Variants in ATL2 observed in about 807,000 individuals in gnomAD.
The protein encoded by ATL2 is atlastin-2.
Under a neutral mutation model 73.9 loss-of-function variants are expected in ATL2, and 31 were observed. That is an observed-to-expected ratio of 0.42 (90% CI 0.32 to 0.57). ATL2 has a LOEUF of 0.57. Among genes scored for constraint, ATL2 ranks in the 20% least tolerant of loss-of-function variants. The pLI is 0.14. For missense variants in ATL2, 738 were observed against 702.6 expected (o/e 1.05, Z -0.57); for synonymous variants, 291 against 237.5 (o/e 1.23, Z -2.07).
At chr2:38,357,270 G>C (rs897112230) in intron 1 of ATL2, among the ~76,000 whole-genome samples, 1 of 152,102 alleles carries the variant, frequency 6.6e-6, no homozygotes, top group African/African-American at 2.4e-5. Context: ...AGAGGTTGCA[G>C]AGAGCCAAGA....
At chr2:38,373,168 T>C (rs58935201) in intron 1 of ATL2, among the ~76,000 whole-genome samples, 8,723 of 152,206 alleles carry the variant, frequency 0.057, 825 homozygotes, top group African/African-American at 0.2. Flanking sequence ...AATCACTCAT[T>C]TGATTCCTCA....
Position 38,341,977 on chromosome 2 carries a change from A to G in ATL2, c.363+1291T>C, listed in dbSNP as rs901640588. ...TAATTCATGTGGCTTCTGAATGTCAAAAGTTCCCTATATAGCAATTCCACT... is the reference window on the plus strand; with the variant it reads ...TAATTCATGTGGCTTCTGAATGTCAGAAGTTCCCTATATAGCAATTCCACT... On this transcript the variant is annotated intron_variant, in intron 2 of 12. Transcript: ENST00000378954. Among the ~76,000 whole-genome samples the G allele has an allele frequency of 3.3e-5, 5 of 152,206 alleles. No homozygotes were observed. In the East Asian group the frequency reaches 5.8e-4, roughly 18 times the overall value.
chr2:38,301,266 G>C (rs943314659), intron 9 of ATL2, among the ~76,000 whole-genome samples: 5 of 152,168 alleles, frequency 3.3e-5, no homozygotes, highest in African/African-American at 1.2e-4. Context: ...CACCGTGCCT[G>C]GCTCATCTCA....
intron 2 of ATL2, among the ~76,000 whole-genome samples, chr2:38,324,355 A>C (rs1380484775): frequency 6.6e-6 from 1 of 152,236 alleles, no homozygotes; most frequent in African/African-American, 2.4e-5. Flanking sequence ...ACACCACCAC[A>C]AATGAAAATC....
At chr2:38,376,656 C>T (rs887846598) in intron 1 of ATL2, 3 of 152,774 alleles carry the variant, frequency 2.0e-5, no homozygotes. Context: ...ACCTCCTCCT[C>T]CGCGGGGCCC....
At chr2:38,358,034 A>T (rs1323263669) in intron 1 of ATL2, among the ~76,000 whole-genome samples, 2 of 152,214 alleles carry the variant, frequency 1.3e-5, no homozygotes, top group Non-Finnish European at 2.9e-5. Flanking sequence ...TCTTGTTAAA[A>T]TGCATATCCT....
At chr2:38,301,581 G>T (rs996963533) in intron 9 of ATL2, among the ~76,000 whole-genome samples, 2 of 152,172 alleles carry the variant, frequency 1.3e-5, no homozygotes. Flanking sequence ...TAGGGAAGTC[G>T]AAAGCAGTGA....
Position 38,298,231 on chromosome 2 carries a change from A to T in ATL2, c.1545T>A (p.Leu515=), listed in dbSNP as rs764163839. 5 of 1,614,174 alleles carry T rather than the reference A, an allele frequency of 3.1e-6. No individual in the cohort carries two copies. The Admixed American group carries it at 8.3e-5, about 27-fold the overall frequency. ...AGTATTTAACATATGCCCAAGTACA[A>T]AGAAATATCAGTGCTAACCCCATGA... ...NLVMGLALIF[L]CTWAYVKYSG... The change falls in exon 12 of 13, where the codon CTT becomes CTA. Residue 515 remains leucine (L), a synonymous_variant. Transcript: ENST00000378954.
intron 1 of ATL2, among the ~76,000 whole-genome samples, chr2:38,375,875 T>G (rs998383852): frequency 6.6e-6 from 1 of 152,234 alleles, no homozygotes; most frequent in Non-Finnish European, 1.5e-5. Flanking sequence ...TATTTCCTTT[T>G]CTTCTTCCCT....
chr2:38,295,834 TAACA>T lies in ATL2; in HGVS notation c.*156_*159del, dbSNP rs1558377756. On this transcript the variant is annotated 3_prime_UTR_variant, in exon 13 of 13. Transcript: ENST00000378954. ...GAGCCATTAAAAGAATGCTTAAAAC[TAACA>T]AACAATCTTCACACTCTGTGGCAGC... 1.3e-5 allele frequency: 8 copies of T among 602,738 alleles called. No individual in the cohort carries two copies. The highest frequency in any genetic ancestry group is 3.0e-5 in the East Asian group (1 of 33,798). 37.3% of individuals were successfully genotyped at this position (602,738 alleles called of 1,614,324 possible).
chr2:38,318,616 G>T lies in ATL2; in HGVS notation c.522C>A (p.Thr174=). The T allele has an allele frequency of 6.2e-7, 1 of 1,611,170 alleles. No homozygotes were observed. Among genetic ancestry groups the T allele is most frequent in the Non-Finnish European group, 8.5e-7 (1 of 1,179,236 alleles). ...TTGACTGGCTATCAAAGGCACCCTG[G>T]GTATCCATAAGCAGCACAGCAACCT... ...GTKVAVLLMD[T]QGAFDSQSTI... is the part of the protein sequence containing the mutation. Residue 174 remains threonine (T), a synonymous_variant, in exon 4 of 13, where the codon ACC becomes ACA. Transcript: ENST00000378954.
rs559874125 is a variant in ATL2 at position 38,364,575 on chromosome 2, T to C, written c.118+12568A>G. Among the ~76,000 whole-genome samples, 7 of 152,366 alleles carry C rather than the reference T, an allele frequency of 4.6e-5. No homozygotes were observed. The East Asian group carries it at 1.3e-3, about 29-fold the overall frequency. Reference sequence around the variant, plus strand: ...ATTTGTTATATGAAACACTCACTTTTCTTACATGCCTTATAAAACGACAAT... The same window carrying C: ...ATTTGTTATATGAAACACTCACTTTCCTTACATGCCTTATAAAACGACAAT... On this transcript the variant is annotated intron_variant, in intron 1 of 12. Transcript: ENST00000378954.
chr2:38,358,917 G>C (rs1002967461), intron 1 of ATL2, among the ~76,000 whole-genome samples: 1 of 151,548 alleles, frequency 6.6e-6, no homozygotes, highest in African/African-American at 2.4e-5. Context: ...TTTTTTTGAA[G>C]GAAAAAAACA....
chr2:38,329,901 G>A (rs768836020), intron 2 of ATL2, among the ~76,000 whole-genome samples: 1 of 152,082 alleles, frequency 6.6e-6, no homozygotes, highest in Non-Finnish European at 1.5e-5. Context: ...GGCCAAGTCG[G>A]GCAGAATACC....
intron 8 of ATL2, 101 bp from the exon 9 acceptor site, chr2:38,309,607 T>A: frequency 8.6e-7 from 1 of 1,162,212 alleles, no homozygotes. Context: ...GAATACATAG[T>A]ATCTATTACT....
upstream of ATL2, among the ~76,000 whole-genome samples, chr2:38,377,520 G>A (rs1672065402): frequency 6.6e-6 from 1 of 151,688 alleles, no homozygotes; most frequent in Admixed American, 6.6e-5. Flanking sequence ...TTTCTGGTTG[G>A]ACTGGGGCGG....
At chr2:38,300,387 A>G in intron 9 of ATL2, 59 bp from the exon 10 acceptor site, 1 of 1,125,092 alleles carries the variant, frequency 8.9e-7, no homozygotes, top group Non-Finnish European at 1.3e-6. Flanking sequence ...CCACATCCCC[A>G]AAGAAAGAAA....
At chr2:38,362,960 T>C (rs555730680) in intron 1 of ATL2, among the ~76,000 whole-genome samples, 1 of 152,316 alleles carries the variant, frequency 6.6e-6, no homozygotes, top group East Asian at 1.9e-4. Context: ...TATTAGTAAC[T>C]TTCTCATCCC....
intron 2 of ATL2, among the ~76,000 whole-genome samples, chr2:38,326,063 CTG>C (rs1343532454): frequency 6.6e-6 from 1 of 152,036 alleles, no homozygotes; most frequent in African/African-American, 2.4e-5. Flanking sequence ...CATAAGGAGA[CTG>C]TGTCTCAAAA....
Sources: gnomAD v4.1 joint callset for allele counts (sites outside exome capture counted in the v4.1 genomes callset) on GRCh38, gnomAD v4.1.1 for gene constraint, MANE v1.5 for transcripts, NCBI Gene and HGNC (gene_info 2026-07-23, HGNC 2026-07-21) for gene names.